Variants in CCSER1 observed in about 807,000 individuals in gnomAD.
CCSER1 encodes the protein coiled-coil serine rich protein 1.
CCSER1 carries 41 observed loss-of-function variants against 82.0 expected under a neutral mutation model. That is an observed-to-expected ratio of 0.50 (90% CI 0.39 to 0.65). The LOEUF is 0.65. Among genes scored for constraint, CCSER1 ranks in the 30% least tolerant of loss-of-function variants. The pLI, the probability that CCSER1 is intolerant of heterozygous loss-of-function variation, is 0.00. For synonymous variants in CCSER1, 414 were observed against 383.9 expected, an observed-to-expected ratio of 1.08 and a Z score of -0.92; for missense variants, 1,119 against 1,064.2, an observed-to-expected ratio of 1.05 and a Z score of -0.72.
intron 1 of CCSER1, among the ~76,000 whole-genome samples, chr4:90,134,208 T>C (rs1214173942): frequency 3.3e-5 from 5 of 152,178 alleles, no homozygotes; most frequent in African/African-American, 1.2e-4. Context: ...TAGACCAAAC[T>C]TTGATTTTTA....
chr4:90,248,761 G>T (rs866613200), intron 1 of CCSER1, among the ~76,000 whole-genome samples: 64 of 150,366 alleles, frequency 4.3e-4, no homozygotes, highest in African/African-American at 1.2e-3. Context: ...GCAGTGGTGT[G>T]ATCACCGTTC....
In CCSER1 at chr4:90,146,989, A is replaced by G. The variant is rs72874397; in HGVS notation, c.-42+19158A>G. Among the ~76,000 whole-genome samples the G allele has an allele frequency of 8.0e-3, 1,219 of 152,140 alleles. 18 individuals are homozygous for G. The highest frequency in any genetic ancestry group is 0.028 in the African/African-American group (1,156 of 41,552). On this transcript the variant is annotated intron_variant, in intron 1 of 10. Coordinates refer to ENST00000509176, the MANE Select transcript of CCSER1 (RefSeq NM_001145065.2). ...AAGTCAAACCACAATGTTTCTTCTA[A>G]TTGTCTTCAGGCTACGACTTGTATT... is the stretch of plus-strand genomic sequence containing the variant.
chr4:90,754,408 A>G (rs922060863), intron 7 of CCSER1, among the ~76,000 whole-genome samples: 8 of 152,130 alleles, frequency 5.3e-5, no homozygotes, highest in Non-Finnish European at 1.2e-4. Context: ...TTAGGAGTAT[A>G]TTAATAAAAA....
chr4:91,149,911 A>C (rs565990996), intron 10 of CCSER1, among the ~76,000 whole-genome samples: 2 of 152,030 alleles, frequency 1.3e-5, no homozygotes, highest in African/African-American at 4.8e-5. Context: ...GTCAGGTAGC[A>C]TGATGCCTCC....
intron 10 of CCSER1, among the ~76,000 whole-genome samples, chr4:91,510,620 T>G (rs1759763867): frequency 6.6e-6 from 1 of 152,226 alleles, no homozygotes; most frequent in South Asian, 2.1e-4. Context: ...GCCATTTGTA[T>G]GTCTACTGTT....
intron 5 of CCSER1, among the ~76,000 whole-genome samples, chr4:90,527,872 C>G (rs1773986259): frequency 6.6e-6 from 1 of 151,966 alleles, no homozygotes; most frequent in African/African-American, 2.4e-5. Flanking sequence ...GTTTTTAAAG[C>G]TTTACCTAAA....
intron 3 of CCSER1, among the ~76,000 whole-genome samples, chr4:90,326,055 CTTTTTTTTTTTT>C (rs371592827): frequency 1.2e-3 from 129 of 111,594 alleles, no homozygotes; most frequent in Non-Finnish European, 2.0e-3. Flanking sequence ...TATGTGATAC[CTTTTTTTTTTTT>C]TTTTTTTTTG....
chr4:90,459,423 G>C (rs1469517799), intron 4 of CCSER1, among the ~76,000 whole-genome samples: 2 of 151,990 alleles, frequency 1.3e-5, no homozygotes, highest in African/African-American at 4.8e-5. Context: ...CTTTAAATTA[G>C]TTTGCTAGGG....
At chr4:90,833,322 C>T (rs1045959850) in intron 8 of CCSER1, among the ~76,000 whole-genome samples, 11 of 152,202 alleles carry the variant, frequency 7.2e-5, no homozygotes, top group Admixed American at 6.5e-4. Context: ...GGCCTGATCA[C>T]ATCCTAAATG....
chr4:90,399,863 T>C (rs1311932097), intron 3 of CCSER1, among the ~76,000 whole-genome samples, 173 bp from the exon 4 acceptor site: 1 of 152,140 alleles, frequency 6.6e-6, no homozygotes, highest in Non-Finnish European at 1.5e-5. Context: ...TCTTGGAATT[T>C]TTTATTGGAC....
intron 9 of CCSER1, among the ~76,000 whole-genome samples, chr4:91,010,193 T>C (rs1217515465): frequency 6.6e-6 from 1 of 152,146 alleles, no homozygotes; most frequent in Non-Finnish European, 1.5e-5. Context: ...AGGGTTTTTT[T>C]TGTTTTTGTT....
intron 9 of CCSER1, among the ~76,000 whole-genome samples, chr4:90,957,717 T>C (rs1238316917): frequency 7.6e-6 from 1 of 132,176 alleles, no homozygotes; most frequent in Non-Finnish European, 1.6e-5. Flanking sequence ...TATATATATA[T>C]ACCCACACAT....
intron 5 of CCSER1, among the ~76,000 whole-genome samples, chr4:90,499,438 G>T (rs1769508148): frequency 6.6e-6 from 1 of 152,076 alleles, no homozygotes; most frequent in Admixed American, 6.6e-5. Flanking sequence ...CAAAAACTGT[G>T]CATGTGTAAT....
intron 9 of CCSER1, among the ~76,000 whole-genome samples, chr4:91,012,542 G>T (rs1739081065): frequency 6.6e-6 from 1 of 151,766 alleles, no homozygotes; most frequent in South Asian, 2.1e-4. Flanking sequence ...TACCTCTAAG[G>T]CTGCTTGACC....
chr4:91,518,647 G>C (rs892949438), intron 10 of CCSER1, among the ~76,000 whole-genome samples: 2 of 152,134 alleles, frequency 1.3e-5, no homozygotes, highest in African/African-American at 4.8e-5. Context: ...AGGAGAGACT[G>C]GGCTCCTCTC....
At chr4:90,812,887 T>G (rs997594183) in intron 7 of CCSER1, among the ~76,000 whole-genome samples, 1 of 152,068 alleles carries the variant, frequency 6.6e-6, no homozygotes, top group African/African-American at 2.4e-5. Flanking sequence ...ACCCCCATGA[T>G]CCAATCACCT....
intron 9 of CCSER1, among the ~76,000 whole-genome samples, chr4:91,035,543 T>C (rs1223735657): frequency 6.6e-6 from 1 of 152,148 alleles, no homozygotes; most frequent in African/African-American, 2.4e-5. Context: ...GTGGTGTGGA[T>C]TGTTGGGATG....
At chr4:90,616,373 C>G (rs192654848) in intron 5 of CCSER1, among the ~76,000 whole-genome samples, 1 of 151,758 alleles carries the variant, frequency 6.6e-6, no homozygotes, top group Non-Finnish European at 1.5e-5. Context: ...AACAAACTGT[C>G]GAAGAATAAG....
chr4:91,129,499 C>T (rs1307624013), intron 10 of CCSER1, among the ~76,000 whole-genome samples: 1 of 151,802 alleles, frequency 6.6e-6, no homozygotes. Flanking sequence ...AGTTAGATGG[C>T]ATAAGATAGA....
Sources: allele counts gnomAD v4.1 joint callset (sites outside exome capture counted in the v4.1 genomes callset), GRCh38; gene constraint gnomAD v4.1.1; transcripts MANE v1.5; gene names NCBI Gene and HGNC (gene_info 2026-07-23, HGNC 2026-07-21).